The following FAM111A variants were observed in gnomAD, a reference collection of about 807,000 sequenced individuals.
The protein encoded by FAM111A is FAM111 trypsin like peptidase A.
Under a neutral mutation model 3.3 loss-of-function variants are expected in FAM111A, and 8 were observed. The ratio of observed to expected loss-of-function variants is 2.39; its 90% CI spans 1.40 to 4.32. The LOEUF (loss-of-function observed/expected upper bound fraction) is 4.32, where lower values mean the gene tolerates loss of function less well. FAM111A is among the 30% of genes most tolerant of loss of function. The pLI is 0.00. For missense variants in FAM111A, 683 were observed against 727.6 expected (o/e 0.94, Z 0.71); for synonymous variants, 227 against 243.1 (o/e 0.93, Z 0.62).
chr11:59,149,331 T>C (rs571420431), intron 5 of FAM111A, among the ~76,000 whole-genome samples: 15 of 152,296 alleles, frequency 9.8e-5, no homozygotes, highest in African/African-American at 3.6e-4. Context: ...TGTTTACCAA[T>C]ATTAGACTTA....
chr11:59,146,438 A>G (rs1341266357), intron 4 of FAM111A, among the ~76,000 whole-genome samples: 1 of 152,242 alleles, frequency 6.6e-6, no homozygotes, highest in Non-Finnish European at 1.5e-5. Context: ...TAAGGTGAGG[A>G]AAATGAAGGA....
At position 59,154,524 on chromosome 11, in the gene FAM111A, A is replaced by T. The variant is rs1862090249; in HGVS notation, c.*1020A>T. 1 of 152,246 alleles carries T rather than the reference A, an allele frequency of 6.6e-6. No individual in the cohort carries two copies. Among genetic ancestry groups the T allele is most frequent in the Admixed American group, 6.5e-5 (1 of 15,292 alleles). The allele number at this position is 152,246 out of a possible 1,614,324, so 9.4% of individuals were successfully genotyped here. A position where few individuals can be genotyped will look rare whatever the true frequency, so the allele number is the denominator to read the frequency against. ...TCATGGTATTATGAAGACTATATAG[A>T]TGATTCAACCAAGCCTGCAAATCTC... On this transcript the variant is annotated 3_prime_UTR_variant, in exon 6 of 6. Coordinates refer to ENST00000675163, the MANE Select transcript of FAM111A (RefSeq NM_001312909.2).
At chr11:59,145,336 G>A (rs1198645680) in intron 3 of FAM111A, 1 of 152,600 alleles carries the variant, frequency 6.6e-6, no homozygotes, top group Non-Finnish European at 1.5e-5. Flanking sequence ...AAATTCCTAA[G>A]GGGAGCTGTC....
chr11:59,150,107 T>C (rs774887423), intron 5 of FAM111A, among the ~76,000 whole-genome samples: 5 of 152,214 alleles, frequency 3.3e-5, no homozygotes, highest in Admixed American at 1.3e-4. Context: ...CTAATTACTA[T>C]ATCCTATTCC....
Position 59,152,762 on chromosome 11 carries a change from C to A in FAM111A, c.1094C>A (p.Ala365Glu). 6.2e-7 allele frequency: 1 copy of A among 1,614,186 alleles called. No individual in the cohort carries two copies. Among genetic ancestry groups the A allele is most frequent in the South Asian group, 1.1e-5 (1 of 91,084 alleles). ...DSVGYLFWDS[A>E]TTGYATCFVF... ...GTTGGGTACTTATTCTGGGACAGTG[C>A]AACTACGGGTTACGCCACCTGCTTT... is the stretch of plus-strand genomic sequence containing the variant. The change falls in exon 6 of 6, where the codon GCA becomes GAA. Residue 365 changes from alanine to glutamate, a missense_variant. This residue lies in a region of FAM111A where 557 missense variants were observed against 600.2 expected (regional missense o/e 0.93). Coordinates refer to ENST00000675163, the MANE Select transcript of FAM111A (RefSeq NM_001312909.2).
intron 5 of FAM111A, among the ~76,000 whole-genome samples, chr11:59,149,367 GTTC>G (rs1375182001): frequency 1.3e-5 from 2 of 152,058 alleles, no homozygotes. Flanking sequence ...GGGTTTTATA[GTTC>G]TTCTTGCCAA....
rs1325395694 is a variant in FAM111A at position 59,154,105 on chromosome 11, T to A, written c.*601T>A. ...CACTAAAAGTCATATAGTCATAGGG[T>A]TTTTTCATCTTTCATATCTTTGCCT... On this transcript the variant is annotated 3_prime_UTR_variant, in exon 6 of 6. Transcript: ENST00000675163. The A allele has an allele frequency of 6.6e-6, 1 of 151,844 alleles. No homozygotes were observed. Among genetic ancestry groups the A allele is most frequent in the Non-Finnish European group, 1.5e-5 (1 of 67,986 alleles). The allele number at this position is 151,844 out of a possible 1,614,324, so 9.4% of individuals were successfully genotyped here.
chr11:59,142,925 G>A lies in FAM111A; in HGVS notation c.-549G>A, dbSNP rs1015442204. 12 of 152,408 alleles carry A rather than the reference G, an allele frequency of 7.9e-5. No homozygotes were observed. Among genetic ancestry groups the A allele is most frequent in the African/African-American group, 2.9e-4 (12 of 41,566 alleles). 9.4% of individuals were successfully genotyped at this position (152,408 alleles called of 1,614,324 possible). A position where few individuals can be genotyped will look rare whatever the true frequency, so the allele number is the denominator to read the frequency against. ...TCGCTTTCCAATACTCGGGACTGGGGAAACCGGGAGAATAGAAGCAGGCAA... is the reference window on the plus strand; with the variant it reads ...TCGCTTTCCAATACTCGGGACTGGGAAAACCGGGAGAATAGAAGCAGGCAA... On this transcript the variant is annotated 5_prime_UTR_variant, in exon 1 of 6. Transcript: ENST00000675163.
At chr11:59,147,252 C>T (rs1247018523) in intron 4 of FAM111A, among the ~76,000 whole-genome samples, 1 of 152,144 alleles carries the variant, frequency 6.6e-6, no homozygotes, top group Non-Finnish European at 1.5e-5. Flanking sequence ...CAAGAGGTGA[C>T]CATTGACTGG....
Position 59,152,156 on chromosome 11 carries a change from A to C in FAM111A, c.488A>C (p.Lys163Thr). The change falls in exon 6 of 6, where the codon AAG becomes ACG. Residue 163 changes from lysine (K) to threonine (T), a missense_variant. Physicochemically the swap from Lys to Thr is moderately conservative, Grantham distance 78. Coordinates refer to ENST00000675163, the MANE Select transcript of FAM111A (RefSeq NM_001312909.2). ...ATTACATTTTCCCAAAGTAAAAGTA[A>C]GCAGAAGGAAGATAACCACATATTT... Reference protein sequence around the residue: ...VVITFSQSKSKQKEDNHIFGR... With the variant: ...VVITFSQSKSTQKEDNHIFGR... The C allele has an allele frequency of 6.2e-7, 1 of 1,614,186 alleles. No individual in the cohort carries two copies. The highest frequency in any genetic ancestry group is 1.6e-4 in the Middle Eastern group (1 of 6,062).
Position 59,153,218 on chromosome 11 carries a change from A to C in FAM111A, c.1550A>C (p.Gln517Pro), listed in dbSNP as rs1262776644. The C allele has an allele frequency of 1.2e-6, 2 of 1,614,220 alleles. No homozygotes were observed. The highest frequency in any genetic ancestry group is 1.7e-6 in the Non-Finnish European group (2 of 1,180,036). Reference sequence around the variant, plus strand: ...CCAGAGTATGTCCATATGTATACTCAAAGAAGTTTCCAGAAAATAGTTCAC... The same window carrying C: ...CCAGAGTATGTCCATATGTATACTCCAAGAAGTTTCCAGAAAATAGTTCAC... ...ESPEYVHMYT[Q>P]RSFQKIVHNP... The change falls in exon 6 of 6, where the codon CAA (glutamine) becomes CCA (proline). Residue 517 changes from glutamine to proline, a missense_variant. Gln to Pro is a moderately conservative substitution (Grantham distance 76). Coordinates refer to ENST00000675163, the MANE Select transcript of FAM111A (RefSeq NM_001312909.2).
rs1861732253 is a variant in FAM111A at position 59,152,010 on chromosome 11, C to T, written c.342C>T (p.Val114=). The change falls in exon 6 of 6, where the codon GTC becomes GTT. Residue 114 remains valine, a synonymous_variant. Transcript: ENST00000675163. ...LYMALNTLQA[V]RKEIETHQGQ... ...TGGCTCTCAACACTCTCCAGGCTGT[C>T]AGAAAAGAGATAGAAACTCACCAAG... 1 of 1,614,046 alleles carries T rather than the reference C, an allele frequency of 6.2e-7. No individual in the cohort carries two copies. The highest frequency in any genetic ancestry group is 1.3e-5 in the African/African-American group (1 of 74,922).
rs775477688 is a variant in FAM111A, at chr11:59,152,005, G to T, written c.337G>T (p.Ala113Ser). 1 of 1,614,186 alleles carries T rather than the reference G, an allele frequency of 6.2e-7. No homozygotes were observed. The highest frequency in any genetic ancestry group is 8.5e-7 in the Non-Finnish European group (1 of 1,180,034). The change falls in exon 6 of 6, where the codon GCT (alanine) becomes TCT (serine). Residue 113 changes from alanine (A) to serine (S), a missense_variant. By Grantham distance (99) the Ala-to-Ser change is moderately conservative. This residue lies in a region of FAM111A where 557 missense variants were observed against 600.2 expected (regional missense o/e 0.93). Coordinates refer to ENST00000675163, the MANE Select transcript of FAM111A (RefSeq NM_001312909.2). ...ATATATGGCTCTCAACACTCTCCAG[G>T]CTGTCAGAAAAGAGATAGAAACTCA... ...SLYMALNTLQ[A>S]VRKEIETHQG...
At position 59,153,324 on chromosome 11, in the gene FAM111A, G is replaced by T. The variant is rs943242846; in HGVS notation, c.1656G>T (p.Leu552Phe). 6.2e-6 allele frequency: 10 copies of T among 1,614,166 alleles called. No homozygotes were observed. The highest frequency in any genetic ancestry group is 8.5e-6 in the Non-Finnish European group (10 of 1,180,032). The change falls in exon 6 of 6, where the codon TTG becomes TTT. Residue 552 changes from leucine (L) to phenylalanine (F), a missense_variant. By Grantham distance (22) the Leu-to-Phe change is conservative. Around this residue, in one of 3 missense-constraint regions of FAM111A, gnomAD observed 122 missense variants for 110.9 expected, o/e 1.10. Coordinates refer to ENST00000675163, the MANE Select transcript of FAM111A (RefSeq NM_001312909.2). ...CTGTGTTTGATTCAAAAGGTTCATTGGTGGCCATGCATGCTGCTGGCTTTG... is the reference window on the plus strand; with the variant it reads ...CTGTGTTTGATTCAAAAGGTTCATTTGTGGCCATGCATGCTGCTGGCTTTG... ...GSPVFDSKGS[L>F]VAMHAAGFAY...
chr11:59,148,594 A>G lies in FAM111A; in HGVS notation c.-76-203A>G, dbSNP rs576107168. On this transcript the variant is annotated intron_variant, in intron 4 of 5. Coordinates refer to ENST00000675163, the MANE Select transcript of FAM111A (RefSeq NM_001312909.2). ...ATTTGCAGCTAGAGATAATTTTCAT[A>G]AAGTGTTTAGTATAATTTTCATGAA... 2.3e-5 allele frequency: 8 copies of G among 352,028 alleles called. No individual in the cohort carries two copies. In the East Asian group the frequency reaches 3.9e-4, roughly 17 times the overall value. 21.8% of individuals were successfully genotyped at this position (352,028 alleles called of 1,614,324 possible). A position where few individuals can be genotyped will look rare whatever the true frequency, so the allele number is the denominator to read the frequency against.
At chr11:59,145,172 G>A (rs1377033744) in intron 3 of FAM111A, 1 of 153,068 alleles carries the variant, frequency 6.5e-6, no homozygotes, top group African/African-American at 2.4e-5. Flanking sequence ...AAGGCAGAAA[G>A]TGGGGGTTGG....
chr11:59,151,484 G>A (rs1474734274), intron 5 of FAM111A, among the ~76,000 whole-genome samples: 1 of 152,144 alleles, frequency 6.6e-6, no homozygotes, highest in Admixed American at 6.5e-5. Flanking sequence ...TGTTTTTGAG[G>A]CACCTGGGAA....
intron 3 of FAM111A, chr11:59,145,583 A>T (rs1329673575): frequency 6.6e-6 from 1 of 152,186 alleles, no homozygotes; most frequent in East Asian, 1.9e-4. Context: ...TTCCACTGTG[A>T]TTGCTCAAGT....
At chr11:59,147,711 T>A (rs1861112782) in intron 4 of FAM111A, among the ~76,000 whole-genome samples, 1 of 152,214 alleles carries the variant, frequency 6.6e-6, no homozygotes, top group Admixed American at 6.5e-5. Flanking sequence ...GGCAAAAAAA[T>A]GAACAATTAA....
Sources: gnomAD v4.1 joint callset for allele counts (sites outside exome capture counted in the v4.1 genomes callset) on GRCh38, gnomAD v4.1.1 for gene constraint, gnomAD v4.1.1 regional missense constraint, MANE v1.5 for transcripts, NCBI Gene and HGNC (gene_info 2026-07-23, HGNC 2026-07-21) for gene names.